FBXO28: variants seen among roughly 807,000 people sequenced by gnomAD.
FBXO28 encodes F-box only protein 28.
A neutral mutation model predicts 38.1 loss-of-function variants in FBXO28; 8 were observed. That is an observed-to-expected ratio of 0.21 (90% CI 0.12 to 0.38). FBXO28 has a LOEUF of 0.38. FBXO28 is among the 10% of genes least tolerant of loss of function. FBXO28 has a pLI of 1.00. For missense variants in FBXO28, 345 were observed against 460.6 expected, an observed-to-expected ratio of 0.75 and a Z score of 2.30; for synonymous variants, 168 against 173.8, an observed-to-expected ratio of 0.97 and a Z score of 0.26.
At chr1:224,136,682 C>T (rs1015371025) in intron 3 of FBXO28, among the ~76,000 whole-genome samples, 5 of 150,774 alleles carry the variant, frequency 3.3e-5, no homozygotes, top group East Asian at 2.0e-4. Flanking sequence ...GAGCCAAGAT[C>T]GTGCCACTGC....
chr1:224,136,803 G>T (rs1357342441), intron 3 of FBXO28, among the ~76,000 whole-genome samples: 1 of 151,578 alleles, frequency 6.6e-6, no homozygotes, highest in Non-Finnish European at 1.5e-5. Flanking sequence ...CCAGGCTGGA[G>T]TCCATTGGTG....
chr1:224,143,050 A>G (rs981363647), intron 3 of FBXO28, among the ~76,000 whole-genome samples: 13 of 151,968 alleles, frequency 8.6e-5, no homozygotes, highest in Non-Finnish European at 1.5e-5. Flanking sequence ...TCTGTCTTAA[A>G]TAAATAAGCA....
At chr1:224,153,408 G>A in intron 4 of FBXO28, 71 bp downstream of exon 4, 1 of 1,200,626 alleles carries the variant, frequency 8.3e-7, no homozygotes, top group Non-Finnish European at 1.2e-6. Flanking sequence ...CACTTAACCA[G>A]TGTCTTGAAC....
chr1:224,116,469 G>A (rs931148749), intron 1 of FBXO28, among the ~76,000 whole-genome samples: 26 of 152,160 alleles, frequency 1.7e-4, no homozygotes, highest in African/African-American at 6.3e-4. Context: ...GCTGCTATCT[G>A]ACATATAAGT....
rs1284059286 is a variant in FBXO28, at chr1:224,159,084, A to T, written c.*1338A>T. The T allele has an allele frequency of 1.3e-5, 2 of 152,620 alleles. No homozygotes were observed. The highest frequency in any genetic ancestry group is 2.9e-5 in the Non-Finnish European group (2 of 68,036). 9.5% of individuals were successfully genotyped at this position (152,620 alleles called of 1,614,324 possible). On this transcript the variant is annotated 3_prime_UTR_variant, in exon 5 of 5. Coordinates refer to ENST00000366862, the MANE Select transcript of FBXO28 (RefSeq NM_015176.4). Reference sequence around the variant, plus strand: ...TTGTATAGTTTTGAGACATTCAATTATCACTGTCTTAGTTGTATTTTAATT... The same window carrying T: ...TTGTATAGTTTTGAGACATTCAATTTTCACTGTCTTAGTTGTATTTTAATT...
intron 3 of FBXO28, among the ~76,000 whole-genome samples, chr1:224,135,611 CAAAA>C (rs71168313): frequency 0.018 from 2,003 of 110,688 alleles, 27 homozygotes; most frequent in South Asian, 0.036. Context: ...GACTCTGTCT[CAAAA>C]AAAAAAAAAA....
chr1:224,144,217 A>G (rs535593334), intron 3 of FBXO28, among the ~76,000 whole-genome samples: 2 of 151,286 alleles, frequency 1.3e-5, no homozygotes, highest in Admixed American at 6.6e-5. Flanking sequence ...TAATCCCAGC[A>G]CTTTGGGAGG....
At chr1:224,129,122 C>T (rs562268094) in intron 1 of FBXO28, among the ~76,000 whole-genome samples, 1 of 152,112 alleles carries the variant, frequency 6.6e-6, no homozygotes, top group Non-Finnish European at 1.5e-5. Flanking sequence ...GGATGGATTA[C>T]TTGAGGTCAG....
intron 4 of FBXO28, among the ~76,000 whole-genome samples, chr1:224,153,931 AAAAAG>A (rs1302072694): frequency 6.7e-6 from 1 of 149,950 alleles, no homozygotes; most frequent in African/African-American, 2.5e-5. Context: ...CAAAAAAAAA[AAAAAG>A]AAATAGGATT....
At chr1:224,135,644 A>G (rs1401021404) in intron 3 of FBXO28, among the ~76,000 whole-genome samples, 1 of 151,050 alleles carries the variant, frequency 6.6e-6, no homozygotes, top group Non-Finnish European at 1.5e-5. Context: ...AAGAAAAAGA[A>G]AAAGAAAAAT....
At chr1:224,142,609 A>G (rs1443753130) in intron 3 of FBXO28, among the ~76,000 whole-genome samples, 1 of 152,104 alleles carries the variant, frequency 6.6e-6, no homozygotes, top group South Asian at 2.1e-4. Context: ...TGAGGTCAGG[A>G]GTTCAAGACC....
rs770415808 is a variant in FBXO28, at chr1:224,114,327, G to A, written c.198G>A (p.Ala66=). 1.9e-6 allele frequency: 3 copies of A among 1,586,782 alleles called. No individual in the cohort carries two copies. In the African/African-American group the frequency reaches 4.0e-5, roughly 21 times the overall value. The change falls in exon 1 of 5, where the codon GCG becomes GCA. Residue 66 remains alanine (A), a synonymous_variant. Coordinates refer to ENST00000366862, the MANE Select transcript of FBXO28 (RefSeq NM_015176.4). ...TGCCTCAAAACAACACGCTTGTGGC[G>A]CTGCCCATCGTAGCCATCGAGAACA... ...DQLPQNNTLV[A]LPIVAIENIL... is the part of the protein sequence containing the mutation.
chr1:224,133,977 A>G, intron 2 of FBXO28, 97 bp from the exon 3 acceptor site: 2 of 833,138 alleles, frequency 2.4e-6, no homozygotes, highest in Non-Finnish European at 1.7e-6. Context: ...ATTAACATGT[A>G]AAAGACTGTT....
At chr1:224,145,617 A>G (rs535363869) in intron 3 of FBXO28, among the ~76,000 whole-genome samples, 3 of 152,284 alleles carry the variant, frequency 2.0e-5, no homozygotes, top group African/African-American at 7.2e-5. Flanking sequence ...TATTCAAACA[A>G]ACATGCCATA....
intron 3 of FBXO28, among the ~76,000 whole-genome samples, chr1:224,144,679 T>G (rs1311506472): frequency 2.6e-5 from 4 of 151,270 alleles, no homozygotes; most frequent in African/African-American, 9.7e-5. Context: ...ACTCACTTGA[T>G]CTGGGAGGTG....
At chr1:224,134,271 G>A in intron 3 of FBXO28, 59 bp downstream of exon 3, 1 of 1,525,382 alleles carries the variant, frequency 6.6e-7, no homozygotes, top group Non-Finnish European at 8.9e-7. Flanking sequence ...TTATTATACA[G>A]TTATGAATTT....
rs189542984 is a variant in FBXO28, at chr1:224,139,571, G to A, written c.516+5359G>A. Among the ~76,000 whole-genome samples the A allele has an allele frequency of 3.7e-3, 554 of 150,732 alleles. 14 individuals carry two copies. Among genetic ancestry groups the A allele is most frequent in the African/African-American group, 0.011 (451 of 40,236 alleles). On this transcript the variant is annotated intron_variant, in intron 3 of 4. Transcript: ENST00000366862. ...AGCCTGGCCAACATGGTGAAACCCC[G>A]TCTCTACTAAAAATACAAAAATTAG... is the stretch of plus-strand genomic sequence containing the variant.
chr1:224,155,311 G>A (rs950982910), intron 4 of FBXO28, among the ~76,000 whole-genome samples: 3 of 151,914 alleles, frequency 2.0e-5, no homozygotes, highest in East Asian at 2.0e-4. Context: ...GATTACAGGC[G>A]TGTGCCACCA....
At chr1:224,155,967 A>G (rs1202471290) in intron 4 of FBXO28, among the ~76,000 whole-genome samples, 1 of 152,232 alleles carries the variant, frequency 6.6e-6, no homozygotes, top group Non-Finnish European at 1.5e-5. Flanking sequence ...AAACAATTTT[A>G]AGGTAGATAA....
Sources: allele counts gnomAD v4.1 joint callset (sites outside exome capture counted in the v4.1 genomes callset), GRCh38; gene constraint gnomAD v4.1.1; transcripts MANE v1.5; gene names NCBI Gene and HGNC (gene_info 2026-07-23, HGNC 2026-07-21).